Variants in NDC1 observed in about 807,000 individuals in gnomAD.
The protein encoded by NDC1 is nucleoporin NDC1.
Under a neutral mutation model 89.8 loss-of-function variants are expected in NDC1, and 24 were observed. The ratio of observed to expected loss-of-function variants is 0.27; its 90% CI spans 0.19 to 0.38. NDC1 has a LOEUF of 0.38. Ranked by LOEUF, NDC1 falls within the 10% of genes least tolerant of loss-of-function variation. The pLI, the probability that NDC1 is intolerant of heterozygous loss-of-function variation, is 1.00. For missense variants in NDC1, 728 were observed against 797.6 expected (o/e 0.91, Z 1.05); for synonymous variants, 296 against 284.8 (o/e 1.04, Z -0.39).
At chr1:53,825,223 T>C (rs564139837) in intron 5 of NDC1, among the ~76,000 whole-genome samples, 153 of 151,212 alleles carry the variant, frequency 1.0e-3, no homozygotes, top group African/African-American at 3.6e-3. Flanking sequence ...TGCCTGTAAT[T>C]CCAGCACTTT....
chr1:53,821,508 T>C (rs1347921084), intron 5 of NDC1, among the ~76,000 whole-genome samples: 1 of 152,208 alleles, frequency 6.6e-6, no homozygotes, highest in Non-Finnish European at 1.5e-5. Flanking sequence ...TTGCTTCAAT[T>C]ATATTGGTCT....
chr1:53,774,361 C>CA (rs762992326), intron 16 of NDC1, among the ~76,000 whole-genome samples: 23 of 152,126 alleles, frequency 1.5e-4, no homozygotes, highest in Non-Finnish European at 2.6e-4. Context: ...TGATTGGACT[C>CA]AGAGTTATCG....
intron 2 of NDC1, among the ~76,000 whole-genome samples, chr1:53,834,556 A>C (rs1438803970): frequency 6.6e-6 from 1 of 152,242 alleles, no homozygotes; most frequent in Non-Finnish European, 1.5e-5. Flanking sequence ...TTTACAAGGC[A>C]AAAGAAAGAC....
intron 1 of NDC1, among the ~76,000 whole-genome samples, chr1:53,835,971 T>C (rs1030970609): frequency 2.0e-5 from 3 of 152,204 alleles, no homozygotes; most frequent in East Asian, 1.9e-4. Context: ...ACCACCTGTA[T>C]ACTGTAACTG....
At chr1:53,808,305 T>C (rs912671948) in intron 7 of NDC1, among the ~76,000 whole-genome samples, 1 of 152,208 alleles carries the variant, frequency 6.6e-6, no homozygotes, top group Non-Finnish European at 1.5e-5. Flanking sequence ...TTTCCAAAAC[T>C]TTGACTAGAT....
At position 53,796,727 on chromosome 1, in the gene NDC1, T is replaced by A; in HGVS notation, c.1546A>T (p.Ser516Cys). The change falls in exon 13 of 18, where the codon AGT (serine) becomes TGT (cysteine). Residue 516 changes from serine (S) to cysteine (C), a missense_variant. Coordinates refer to ENST00000371429, the MANE Select transcript of NDC1 (RefSeq NM_018087.5). ...TTCTGAATCCATGAATAAATCACAC[T>A]GGGTTGTCTCATTGTCTTACCCTCA... is the stretch of plus-strand genomic sequence containing the variant. ...SAEGKTMRQPSVIYSWIQNKR... is the reference protein window; with the variant it reads ...SAEGKTMRQPCVIYSWIQNKR... 1 of 1,610,896 alleles carries A rather than the reference T, an allele frequency of 6.2e-7. No individual in the cohort carries two copies. Among genetic ancestry groups the A allele is most frequent in the Non-Finnish European group, 8.5e-7 (1 of 1,178,948 alleles).
intron 5 of NDC1, among the ~76,000 whole-genome samples, chr1:53,821,456 A>T (rs1274852198): frequency 6.6e-6 from 1 of 152,138 alleles, no homozygotes; most frequent in Non-Finnish European, 1.5e-5. Context: ...GAAAACAAAC[A>T]AACAAAAAGT....
At chr1:53,806,073 C>CAA in intron 9 of NDC1, among the ~76,000 whole-genome samples, 1 of 135,890 alleles carries the variant, frequency 7.4e-6, no homozygotes, top group East Asian at 2.1e-4. Context: ...GACTCCGTCT[C>CAA]AAAAAAAAAA....
At chr1:53,834,329 A>C (rs1231223945) in intron 2 of NDC1, among the ~76,000 whole-genome samples, 1 of 152,230 alleles carries the variant, frequency 6.6e-6, no homozygotes, top group Non-Finnish European at 1.5e-5. Flanking sequence ...CAGTGAGTGA[A>C]GCAGACACAG....
At chr1:53,792,177 C>T (rs536294973) in intron 14 of NDC1, among the ~76,000 whole-genome samples, 13 of 152,124 alleles carry the variant, frequency 8.5e-5, no homozygotes, top group African/African-American at 2.2e-4. Flanking sequence ...CTCCTGACCT[C>T]GTGATCCGCC....
At chr1:53,838,032 C>T (rs1317950233) in intron 1 of NDC1, among the ~76,000 whole-genome samples, 173 bp downstream of exon 1, 1 of 152,248 alleles carries the variant, frequency 6.6e-6, no homozygotes, top group African/African-American at 2.4e-5. Context: ...AACCAACTTC[C>T]ACTCAGGACT....
chr1:53,834,925 T>C (rs762941866), intron 2 of NDC1, among the ~76,000 whole-genome samples: 1 of 151,890 alleles, frequency 6.6e-6, no homozygotes, highest in Non-Finnish European at 1.5e-5. Context: ...CTGGGTAACG[T>C]GGCAAAACCC....
chr1:53,813,992 A>G (rs1648396449), intron 6 of NDC1, among the ~76,000 whole-genome samples: 1 of 152,222 alleles, frequency 6.6e-6, no homozygotes, highest in African/African-American at 2.4e-5. Flanking sequence ...AACCATGCAA[A>G]TACATGGCAA....
rs375909286 is a variant in NDC1, at chr1:53,832,454, G to A, written c.280+36C>T. ...AGTCTTCCCTTAGTTAAATAAATTC[G>A]CATATTTCTAAGAAGGTTAACATTT... is the stretch of plus-strand genomic sequence containing the variant. On this transcript the variant is annotated intron_variant, in intron 3 of 17. Coordinates refer to ENST00000371429, the MANE Select transcript of NDC1 (RefSeq NM_018087.5). 3.4e-5 allele frequency: 36 copies of A among 1,061,908 alleles called. 1 individual carries two copies. Among genetic ancestry groups the A allele is most frequent in the East Asian group, 9.5e-5 (4 of 42,286 alleles). 65.8% of individuals were successfully genotyped at this position (1,061,908 alleles called of 1,614,324 possible). A position where few individuals can be genotyped will look rare whatever the true frequency, so the allele number is the denominator to read the frequency against.
intron 13 of NDC1, among the ~76,000 whole-genome samples, chr1:53,793,693 C>G (rs1166426435): frequency 1.1e-4 from 17 of 151,844 alleles, no homozygotes; most frequent in Non-Finnish European, 1.5e-5. Context: ...CTGGGCTCAA[C>G]AGATCCTCCC....
intron 1 of NDC1, among the ~76,000 whole-genome samples, 181 bp from the exon 2 acceptor site, chr1:53,835,801 G>A (rs1168716987): frequency 6.6e-6 from 1 of 152,166 alleles, no homozygotes; most frequent in East Asian, 1.9e-4. Flanking sequence ...GTGAGCTGAT[G>A]CCTGCATTAG....
intron 9 of NDC1, 87 bp from the exon 10 acceptor site, chr1:53,804,096 A>G (rs1315091211): frequency 2.2e-6 from 2 of 910,226 alleles, no homozygotes; most frequent in Non-Finnish European, 3.5e-6. Context: ...TATATATCCA[A>G]GAGGAAATTA....
intron 3 of NDC1, among the ~76,000 whole-genome samples, chr1:53,830,752 C>T (rs1016196494): frequency 2.6e-5 from 4 of 151,658 alleles, no homozygotes; most frequent in African/African-American, 9.7e-5. Context: ...ATCCCAGCTA[C>T]TCAGGAGGCT....
intron 16 of NDC1, 54 bp from the exon 17 acceptor site, chr1:53,772,543 G>A: frequency 1.3e-6 from 2 of 1,560,288 alleles, no homozygotes; most frequent in South Asian, 2.3e-5. Context: ...GCCAACCTAG[G>A]CCAGGTGCTG....
Sources: gnomAD v4.1 joint callset for allele counts (sites outside exome capture counted in the v4.1 genomes callset) on GRCh38, gnomAD v4.1.1 for gene constraint, MANE v1.5 for transcripts, NCBI Gene and HGNC (gene_info 2026-07-23, HGNC 2026-07-21) for gene names.